The following MFAP3L variants were observed in gnomAD, a reference collection of about 807,000 sequenced individuals.
MFAP3L encodes the protein microfibril associated protein 3 like.
A neutral mutation model predicts 20.0 loss-of-function variants in MFAP3L; 5 were observed. The ratio of observed to expected loss-of-function variants is 0.25; its 90% CI spans 0.13 to 0.53. The LOEUF is 0.53. MFAP3L is among the 20% of genes least tolerant of loss of function. The pLI, the probability that MFAP3L is intolerant of heterozygous loss-of-function variation, is 0.96. For missense variants in MFAP3L, 409 were observed against 527.5 expected (o/e 0.78, Z 2.20); for synonymous variants, 219 against 213.0 (o/e 1.03, Z -0.25).
chr4:169,995,352 T>C (rs943221558), intron 2 of MFAP3L, among the ~76,000 whole-genome samples: 7 of 152,166 alleles, frequency 4.6e-5, no homozygotes, highest in Non-Finnish European at 7.3e-5. Context: ...GGCCAGTATA[T>C]TAATTCGTTC....
At chr4:170,024,198 T>C (rs1373111960) in intron 1 of MFAP3L, among the ~76,000 whole-genome samples, 1 of 152,214 alleles carries the variant, frequency 6.6e-6, no homozygotes, top group Non-Finnish European at 1.5e-5. Flanking sequence ...GTTAGGGAAA[T>C]GTGGACTTTT....
At chr4:170,003,876 T>C in intron 2 of MFAP3L, 2 of 984,692 alleles carry the variant, frequency 2.0e-6, no homozygotes, top group Non-Finnish European at 2.4e-6. Context: ...CTGGAGGAAG[T>C]GGCTGTAGGA....
intron 1 of MFAP3L, among the ~76,000 whole-genome samples, chr4:170,007,525 A>T (rs1739122993): frequency 6.6e-6 from 1 of 152,222 alleles, no homozygotes; most frequent in African/African-American, 2.4e-5. Context: ...AATGTATACC[A>T]AACACCTATG....
intron 2 of MFAP3L, among the ~76,000 whole-genome samples, chr4:170,000,592 G>C (rs1420354848): frequency 6.6e-6 from 1 of 152,172 alleles, no homozygotes; most frequent in Non-Finnish European, 1.5e-5. Flanking sequence ...CTGTGGTTGA[G>C]AAAAGTCAAA....
At chr4:170,025,965 G>A (rs1469055847) in intron 1 of MFAP3L, among the ~76,000 whole-genome samples, 1 of 151,978 alleles carries the variant, frequency 6.6e-6, no homozygotes, top group African/African-American at 2.4e-5. Context: ...CGCGCTCCTC[G>A]CCCTCGGAAG....
intron 2 of MFAP3L, among the ~76,000 whole-genome samples, chr4:170,002,886 A>G (rs1348272282): frequency 6.6e-6 from 1 of 151,936 alleles, no homozygotes; most frequent in East Asian, 1.9e-4. Context: ...ACACCGCTCC[A>G]TATAAACTTC....
chr4:170,012,554 C>T (rs866610113), intron 1 of MFAP3L, among the ~76,000 whole-genome samples: 3 of 152,210 alleles, frequency 2.0e-5, no homozygotes, highest in Non-Finnish European at 4.4e-5. Flanking sequence ...CTCCTAGCTT[C>T]ACCATCTTCT....
chr4:170,003,776 A>T, intron 2 of MFAP3L: 1 of 985,444 alleles, frequency 1.0e-6, no homozygotes, highest in Non-Finnish European at 1.2e-6. Flanking sequence ...CTGCAGAAAG[A>T]CCTGCTAAGG....
intron 2 of MFAP3L, among the ~76,000 whole-genome samples, chr4:170,001,783 C>T (rs1313945797): frequency 6.6e-6 from 1 of 152,178 alleles, no homozygotes; most frequent in Non-Finnish European, 1.5e-5. Flanking sequence ...AGGTTCTTTG[C>T]TGAACTACAA....
intron 1 of MFAP3L, among the ~76,000 whole-genome samples, chr4:170,015,374 A>G (rs1739637245): frequency 6.6e-6 from 1 of 152,194 alleles, no homozygotes; most frequent in Non-Finnish European, 1.5e-5. Flanking sequence ...GGGTAAAGAG[A>G]AAAGGGAAAG....
chr4:170,015,734 G>A (rs771183416), intron 1 of MFAP3L, among the ~76,000 whole-genome samples: 7 of 152,176 alleles, frequency 4.6e-5, no homozygotes, highest in Non-Finnish European at 1.0e-4. Flanking sequence ...GGGCACAGCT[G>A]CAGGTTTCTC....
intron 1 of MFAP3L, among the ~76,000 whole-genome samples, chr4:170,017,721 T>C (rs1372981277): frequency 1.3e-5 from 2 of 152,230 alleles, no homozygotes; most frequent in African/African-American, 4.8e-5. Flanking sequence ...GTGGTTAAGA[T>C]CAGTCTTCCA....
intron 2 of MFAP3L, chr4:169,994,181 A>G: frequency 1.0e-6 from 1 of 985,354 alleles, no homozygotes; most frequent in Non-Finnish European, 1.2e-6. Context: ...CTATGCTTGT[A>G]GTTTCTCATA....
intron 1 of MFAP3L, among the ~76,000 whole-genome samples, chr4:170,010,683 C>T (rs1739319291): frequency 6.6e-6 from 1 of 152,096 alleles, no homozygotes; most frequent in Non-Finnish European, 1.5e-5. Context: ...ATATAATACA[C>T]ATAGCATACA....
chr4:170,027,002 C>G (rs1730490132), upstream of MFAP3L: 1 of 152,162 alleles, frequency 6.6e-6, no homozygotes, highest in East Asian at 1.9e-4. Flanking sequence ...GAAAAAAACC[C>G]AGCGGGCCGT....
At chr4:170,016,522 C>A (rs1005740243) in intron 1 of MFAP3L, among the ~76,000 whole-genome samples, 1 of 152,226 alleles carries the variant, frequency 6.6e-6, no homozygotes, top group Admixed American at 6.5e-5. Flanking sequence ...CCTACCTCGA[C>A]CCTGCCTTTG....
rs1738965729 is a variant in MFAP3L at position 170,005,438 on chromosome 4, AT to A, written c.298+141del. The A allele has an allele frequency of 1.5e-5, 14 of 941,274 alleles. No homozygotes were observed. In the South Asian group the frequency reaches 2.1e-4, roughly 14 times the overall value. 58.3% of individuals were successfully genotyped at this position (941,274 alleles called of 1,614,324 possible). A position where few individuals can be genotyped will look rare whatever the true frequency, so the allele number is the denominator to read the frequency against. On this transcript the variant is annotated intron_variant, in intron 2 of 2. Coordinates refer to ENST00000361618, the MANE Select transcript of MFAP3L (RefSeq NM_021647.8). Reference sequence around the variant, plus strand: ...ATTGCTTCTTTGAATCCTTAAGGATATATATTCTCTCCTGCCTTAGAAAAAC... The same window carrying A: ...ATTGCTTCTTTGAATCCTTAAGGATAATATTCTCTCCTGCCTTAGAAAAAC...
chr4:170,015,877 G>A (rs1739668956), intron 1 of MFAP3L, among the ~76,000 whole-genome samples: 1 of 152,094 alleles, frequency 6.6e-6, no homozygotes, highest in African/African-American at 2.4e-5. Flanking sequence ...TTCCTCTTCA[G>A]ACCAAGAACT....
chr4:170,015,317 G>A (rs1739630038), intron 1 of MFAP3L, among the ~76,000 whole-genome samples: 1 of 152,168 alleles, frequency 6.6e-6, no homozygotes, highest in Admixed American at 6.5e-5. Flanking sequence ...GTATGATCAT[G>A]ACAACCAGGA....
Sources: gnomAD v4.1 joint callset for allele counts (sites outside exome capture counted in the v4.1 genomes callset) on GRCh38, gnomAD v4.1.1 for gene constraint, MANE v1.5 for transcripts, NCBI Gene and HGNC (gene_info 2026-07-23, HGNC 2026-07-21) for gene names.